Variants in UBE2E2 observed in about 807,000 individuals in gnomAD.
UBE2E2 encodes ubiquitin-conjugating enzyme E2 E2.
UBE2E2 carries 6 observed loss-of-function variants against 24.7 expected under a neutral mutation model. The observed-to-expected ratio is 0.24, with a 90% CI of 0.13 to 0.48. The LOEUF (loss-of-function observed/expected upper bound fraction) is 0.48, where lower values mean the gene tolerates loss of function less well. UBE2E2 is among the 20% of genes least tolerant of loss of function. The pLI is 0.99. For synonymous variants in UBE2E2, 104 were observed against 83.6 expected, an observed-to-expected ratio of 1.24 and a Z score of -1.33; for missense variants, 169 against 245.0, an observed-to-expected ratio of 0.69 and a Z score of 2.07.
At chr3:23,286,117 C>T (rs1048184057) in intron 3 of UBE2E2, among the ~76,000 whole-genome samples, 2 of 152,164 alleles carry the variant, frequency 1.3e-5, no homozygotes, top group African/African-American at 4.8e-5. Context: ...ATCTCCCATT[C>T]TGTGGGTTGT....
At chr3:23,365,412 A>G (rs1166037501) in intron 3 of UBE2E2, among the ~76,000 whole-genome samples, 1 of 152,246 alleles carries the variant, frequency 6.6e-6, no homozygotes, top group Non-Finnish European at 1.5e-5. Context: ...AAACAACTTC[A>G]GTAAAGTCTC....
intron 3 of UBE2E2, among the ~76,000 whole-genome samples, chr3:23,438,519 A>G (rs1698231639): frequency 6.6e-6 from 1 of 152,214 alleles, no homozygotes; most frequent in African/African-American, 2.4e-5. Flanking sequence ...CAAGTTATAT[A>G]CTAGACATTT....
At chr3:23,346,710 A>G (rs2125314900) in intron 3 of UBE2E2, among the ~76,000 whole-genome samples, 1 of 152,322 alleles carries the variant, frequency 6.6e-6, no homozygotes, top group East Asian at 1.9e-4. Context: ...AAAAATGTAG[A>G]CTTTTCCTTT....
intron 3 of UBE2E2, among the ~76,000 whole-genome samples, chr3:23,385,218 C>T (rs1456260379): frequency 1.3e-5 from 2 of 152,246 alleles, no homozygotes; most frequent in South Asian, 2.1e-4. Flanking sequence ...ACCTTCTTTC[C>T]CTGTTTGCAA....
intron 3 of UBE2E2, among the ~76,000 whole-genome samples, chr3:23,475,496 G>GTCC (rs1323478727): frequency 1.4e-4 from 22 of 152,056 alleles, no homozygotes; most frequent in Non-Finnish European, 5.9e-5. Context: ...CTGGTCTCAT[G>GTCC]TCCTCAATCT....
chr3:23,361,454 T>A (rs1696112133), intron 3 of UBE2E2, among the ~76,000 whole-genome samples: 1 of 152,160 alleles, frequency 6.6e-6, no homozygotes, highest in Non-Finnish European at 1.5e-5. Flanking sequence ...AATGAGTGGT[T>A]AAAGAAAATG....
chr3:23,452,327 C>G (rs916904192), intron 3 of UBE2E2, among the ~76,000 whole-genome samples: 1 of 152,024 alleles, frequency 6.6e-6, no homozygotes, highest in African/African-American at 2.4e-5. Flanking sequence ...TAAACAGGTG[C>G]AATTTTTATA....
intron 3 of UBE2E2, among the ~76,000 whole-genome samples, chr3:23,309,943 G>A (rs939690563): frequency 3.9e-5 from 6 of 152,086 alleles, no homozygotes; most frequent in Non-Finnish European, 7.4e-5. Context: ...GAAGAGAAAA[G>A]GAAAGGAGAA....
intron 3 of UBE2E2, among the ~76,000 whole-genome samples, chr3:23,384,173 T>G (rs1387054980): frequency 6.6e-6 from 1 of 152,150 alleles, no homozygotes; most frequent in African/African-American, 2.4e-5. Context: ...GTTTTTTGTT[T>G]GTTTTTGGAG....
At chr3:23,403,923 G>A (rs1055367924) in intron 3 of UBE2E2, among the ~76,000 whole-genome samples, 4 of 151,782 alleles carry the variant, frequency 2.6e-5, no homozygotes, top group South Asian at 2.1e-4. Flanking sequence ...TGTCAGTAAC[G>A]AAAAGGTGGA....
At chr3:23,345,664 A>G (rs1428049299) in intron 3 of UBE2E2, among the ~76,000 whole-genome samples, 2 of 152,212 alleles carry the variant, frequency 1.3e-5, no homozygotes, top group Non-Finnish European at 2.9e-5. Context: ...AAAGTTATAG[A>G]CATTAAATTA....
At chr3:23,481,585 G>A (rs1699261248) in intron 3 of UBE2E2, among the ~76,000 whole-genome samples, 1 of 152,174 alleles carries the variant, frequency 6.6e-6, no homozygotes. Context: ...GGCTGAGAAG[G>A]TGTTTTTAAT....
At chr3:23,260,765 C>A (rs1697874275) in intron 3 of UBE2E2, among the ~76,000 whole-genome samples, 1 of 152,120 alleles carries the variant, frequency 6.6e-6, no homozygotes, top group South Asian at 2.1e-4. Context: ...GGCAGTCCAC[C>A]TGGGCAACAG....
chr3:23,256,577 G>C (rs889199755), intron 3 of UBE2E2, among the ~76,000 whole-genome samples: 1 of 152,136 alleles, frequency 6.6e-6, no homozygotes, highest in African/African-American at 2.4e-5. Flanking sequence ...AAAGTGATTT[G>C]TTGAGGTTAT....
intron 5 of UBE2E2, among the ~76,000 whole-genome samples, chr3:23,575,752 TC>T (rs1696332811): frequency 6.6e-6 from 1 of 152,170 alleles, no homozygotes; most frequent in African/African-American, 2.4e-5. Flanking sequence ...GGTCCAGGAA[TC>T]TGCCCTCCAG....
intron 3 of UBE2E2, among the ~76,000 whole-genome samples, chr3:23,442,036 T>G (rs534817640): frequency 6.6e-5 from 10 of 152,342 alleles, no homozygotes; most frequent in African/African-American, 2.4e-4. Context: ...CTGTGACTTT[T>G]ATATTGTTGA....
At chr3:23,370,787 A>G (rs1696381028) in intron 3 of UBE2E2, among the ~76,000 whole-genome samples, 1 of 152,164 alleles carries the variant, frequency 6.6e-6, no homozygotes, top group Admixed American at 6.5e-5. Context: ...CTGTAGATGA[A>G]GGCTATCAAA....
At chr3:23,451,933 A>T (rs181771953) in intron 3 of UBE2E2, among the ~76,000 whole-genome samples, 1 of 152,172 alleles carries the variant, frequency 6.6e-6, no homozygotes, top group African/African-American at 2.4e-5. Flanking sequence ...TTTTTATTGA[A>T]TTATTACAGG....
intron 3 of UBE2E2, among the ~76,000 whole-genome samples, chr3:23,218,651 T>G (rs1183349591): frequency 6.6e-6 from 1 of 152,102 alleles, no homozygotes; most frequent in Non-Finnish European, 1.5e-5. Context: ...TATACACTTC[T>G]TTGCTTAAAT....
Sources: allele counts gnomAD v4.1 joint callset (sites outside exome capture counted in the v4.1 genomes callset), GRCh38; gene constraint gnomAD v4.1.1; transcripts MANE v1.5; gene names NCBI Gene and HGNC (gene_info 2026-07-23, HGNC 2026-07-21).